The following RAC1 variants were observed in gnomAD, a reference collection of about 807,000 sequenced individuals.
The protein encoded by RAC1 is ras-related C3 botulinum toxin substrate 1.
RAC1 carries 2 observed loss-of-function variants against 25.2 expected under a neutral mutation model. That is an observed-to-expected ratio of 0.08 (90% CI 0.03 to 0.25). The LOEUF (loss-of-function observed/expected upper bound fraction) is 0.25, where lower values mean the gene tolerates loss of function less well. Ranked by LOEUF, RAC1 falls within the 10% of genes least tolerant of loss-of-function variation. RAC1 has a pLI of 1.00. For missense variants in RAC1, 50 were observed against 235.7 expected, an observed-to-expected ratio of 0.21 and a Z score of 5.16; for synonymous variants, 88 against 94.0, an observed-to-expected ratio of 0.94 and a Z score of 0.37.
intron 1 of RAC1, among the ~76,000 whole-genome samples, chr7:6,386,166 T>C (rs1416919774): frequency 6.6e-6 from 1 of 152,210 alleles, no homozygotes; most frequent in Non-Finnish European, 1.5e-5. Context: ...TACACACTTC[T>C]CTGTTTGGCA....
intron 1 of RAC1, chr7:6,375,826 A>C (rs1453322991): frequency 6.6e-6 from 1 of 152,058 alleles, no homozygotes; most frequent in Non-Finnish European, 1.5e-5. Flanking sequence ...GAGGAAGACA[A>C]AACTTGTCTT....
rs185605197 is a variant in RAC1 at position 6,384,223 on chromosome 7, C to T, written c.36-2989C>T. Among the ~76,000 whole-genome samples the T allele has an allele frequency of 5.3e-5, 8 of 152,244 alleles. No individual in the cohort carries two copies. The East Asian group carries it at 1.5e-3, about 29-fold the overall frequency. On this transcript the variant is annotated intron_variant, in intron 1 of 5. Coordinates refer to ENST00000348035, the MANE Select transcript of RAC1 (RefSeq NM_006908.5). ...AGTTCAAGCAGTCCAGGAAACAGCC[C>T]ACTTATGTTCACTGTCCAGTCCCCA...
At chr7:6,380,997 T>C (rs888148965) in intron 1 of RAC1, among the ~76,000 whole-genome samples, 1 of 152,072 alleles carries the variant, frequency 6.6e-6, no homozygotes, top group African/African-American at 2.4e-5. Flanking sequence ...GCCTCCTGAG[T>C]AGCTGGGCTT....
At chr7:6,378,657 A>G (rs192901831) in intron 1 of RAC1, among the ~76,000 whole-genome samples, 1 of 152,324 alleles carries the variant, frequency 6.6e-6, no homozygotes, top group African/African-American at 2.4e-5. Flanking sequence ...CATAGGGTTG[A>G]TACTCTTTTA....
chr7:6,385,664 C>G (rs1782905550), intron 1 of RAC1, among the ~76,000 whole-genome samples: 1 of 152,094 alleles, frequency 6.6e-6, no homozygotes. Flanking sequence ...GTTAAGCCCT[C>G]AATAATGTCA....
Position 6,390,026 on chromosome 7 carries a change from AC to A in RAC1, c.108-1897del, listed in dbSNP as rs1562465892. 9.8e-5 allele frequency among the ~76,000 whole-genome samples: 7 copies of A among 71,180 alleles called. 1 individual carries two copies. In the East Asian group the frequency reaches 3.5e-3, roughly 36 times the overall value. The allele number at this position is 71,180 out of a possible 152,430, so 46.7% of individuals were successfully genotyped here. A position where few individuals can be genotyped will look rare whatever the true frequency, so the allele number is the denominator to read the frequency against. ...TCTCTCCCTCCTTCCCTCCTCTCCT[AC>A]TCCTTCCCTCCTTCCCTCCTTCCTT... On this transcript the variant is annotated intron_variant, in intron 2 of 5. Transcript: ENST00000348035.
intron 2 of RAC1, among the ~76,000 whole-genome samples, chr7:6,389,434 A>G (rs572999489): frequency 4.0e-5 from 6 of 151,360 alleles, no homozygotes; most frequent in Admixed American, 2.0e-4. Context: ...TAATCCCAGC[A>G]CTTGGGGAGG....
At chr7:6,401,463 C>T (rs903433277) in intron 4 of RAC1, among the ~76,000 whole-genome samples, 1 of 151,736 alleles carries the variant, frequency 6.6e-6, no homozygotes, top group African/African-American at 2.4e-5. Context: ...GACCTGAGAC[C>T]TTGGGCTAGG....
chr7:6,375,669 TC>T (rs1484410095), intron 1 of RAC1, among the ~76,000 whole-genome samples: 8 of 151,842 alleles, frequency 5.3e-5, no homozygotes, highest in Admixed American at 1.3e-4. Flanking sequence ...TTTCTTTCTT[TC>T]TTTTTTTTTT....
chr7:6,374,889 T>A, intron 1 of RAC1, 119 bp downstream of exon 1: 1 of 835,348 alleles, frequency 1.2e-6, no homozygotes, highest in Non-Finnish European at 1.5e-6. Context: ...GCGGTGGGCC[T>A]GGGCCTGTGT....
chr7:6,383,168 C>T (rs200493567), intron 1 of RAC1, among the ~76,000 whole-genome samples: 1 of 152,280 alleles, frequency 6.6e-6, no homozygotes, highest in East Asian at 1.9e-4. Context: ...AATTCTCCAG[C>T]AGTATCAGTC....
At chr7:6,399,990 C>G (rs1044453948) in intron 3 of RAC1, 136 bp from the exon 4 acceptor site, 7 of 741,620 alleles carry the variant, frequency 9.4e-6, no homozygotes, top group Non-Finnish European at 1.6e-5. Context: ...AAGGGTGGAT[C>G]AGGAAGCGTC....
At chr7:6,395,787 C>G (rs1349573514) in intron 3 of RAC1, among the ~76,000 whole-genome samples, 5 of 152,240 alleles carry the variant, frequency 3.3e-5, no homozygotes, top group Non-Finnish European at 7.3e-5. Context: ...GCGTGAGCCA[C>G]TGCGCCTGGC....
intron 1 of RAC1, among the ~76,000 whole-genome samples, chr7:6,379,055 C>T (rs1782687671): frequency 6.6e-6 from 1 of 152,066 alleles, no homozygotes; most frequent in Admixed American, 6.6e-5. Context: ...CGTGCCACTG[C>T]ACTCCAGCCT....
chr7:6,395,973 T>G (rs1783225924), intron 3 of RAC1, among the ~76,000 whole-genome samples: 1 of 152,182 alleles, frequency 6.6e-6, no homozygotes, highest in African/African-American at 2.4e-5. Flanking sequence ...TTGTGGATGG[T>G]TCCACCAGTG....
At chr7:6,392,179 G>T (rs1583265780) in intron 3 of RAC1, 138 bp downstream of exon 3, 20 of 1,447,794 alleles carry the variant, frequency 1.4e-5, no homozygotes, top group Non-Finnish European at 1.9e-5. Flanking sequence ...GGTGGGATTG[G>T]TTCCATGTAA....
At chr7:6,377,294 T>C (rs932746304) in intron 1 of RAC1, among the ~76,000 whole-genome samples, 2 of 152,028 alleles carry the variant, frequency 1.3e-5, no homozygotes, top group African/African-American at 2.4e-5. Context: ...CTAAGTGATA[T>C]TAGAAGTGAA....
At chr7:6,384,896 C>A (rs999740191) in intron 1 of RAC1, among the ~76,000 whole-genome samples, 6 of 152,296 alleles carry the variant, frequency 3.9e-5, no homozygotes, top group African/African-American at 1.4e-4. Context: ...TGACCTCCCT[C>A]CTGGGTTCAA....
intron 4 of RAC1, among the ~76,000 whole-genome samples, chr7:6,400,921 C>T (rs1413200272): frequency 2.6e-5 from 4 of 151,960 alleles, no homozygotes; most frequent in Non-Finnish European, 4.4e-5. Context: ...GTGATCCGCG[C>T]GTCTCGGCCT....
Sources: gnomAD v4.1 joint callset for allele counts (sites outside exome capture counted in the v4.1 genomes callset) on GRCh38, gnomAD v4.1.1 for gene constraint, MANE v1.5 for transcripts, NCBI Gene and HGNC (gene_info 2026-07-23, HGNC 2026-07-21) for gene names.